Variants in RSRC1 observed in about 807,000 individuals in gnomAD.
RSRC1 encodes arginine and serine rich coiled-coil 1.
A neutral mutation model predicts 49.1 loss-of-function variants in RSRC1; 39 were observed. That is an observed-to-expected ratio of 0.79 (90% CI 0.61 to 1.04). The LOEUF is 1.04. RSRC1 is among the 50% of genes least tolerant of loss of function. RSRC1 has a pLI of 0.00. For missense variants in RSRC1, 388 were observed against 402.4 expected (o/e 0.96, Z 0.31); for synonymous variants, 143 against 130.8 (o/e 1.09, Z -0.63).
intron 6 of RSRC1, among the ~76,000 whole-genome samples, chr3:158,363,325 A>G (rs993614554): frequency 6.7e-6 from 1 of 148,964 alleles, no homozygotes; most frequent in Non-Finnish European, 1.5e-5. Context: ...GTACAGTGGC[A>G]CAAGCTCGGC....
intron 6 of RSRC1, among the ~76,000 whole-genome samples, chr3:158,434,407 T>C (rs1471208988): frequency 2.0e-5 from 3 of 151,988 alleles, no homozygotes; most frequent in East Asian, 3.9e-4. Flanking sequence ...GGAAAGCTAT[T>C]CATCGTGCTG....
chr3:158,160,456 A>C (rs1718151477), intron 3 of RSRC1, among the ~76,000 whole-genome samples: 1 of 152,116 alleles, frequency 6.6e-6, no homozygotes, highest in African/African-American at 2.4e-5. Flanking sequence ...ACATATAGAG[A>C]AATGTGGGAA....
intron 6 of RSRC1, among the ~76,000 whole-genome samples, chr3:158,384,844 T>TG (rs1732882813): frequency 6.6e-6 from 1 of 151,990 alleles, no homozygotes; most frequent in Non-Finnish European, 1.5e-5. Context: ...ACCTATGTGA[T>TG]GTAGTCCATG....
intron 4 of RSRC1, among the ~76,000 whole-genome samples, chr3:158,249,016 A>G (rs1387857218): frequency 1.3e-5 from 2 of 152,230 alleles, no homozygotes; most frequent in East Asian, 3.9e-4. Flanking sequence ...TACTGTGAGT[A>G]TAAGTTCCAT....
At chr3:158,534,652 G>T (rs1359984254) in intron 7 of RSRC1, among the ~76,000 whole-genome samples, 2 of 151,518 alleles carry the variant, frequency 1.3e-5, no homozygotes, top group African/African-American at 4.8e-5. Context: ...ACACATGCAC[G>T]TGGCTATTTA....
intron 6 of RSRC1, among the ~76,000 whole-genome samples, chr3:158,365,994 G>A (rs1250372504): frequency 4.0e-5 from 6 of 151,730 alleles, no homozygotes; most frequent in African/African-American, 1.5e-4. Context: ...TTTTAATGGG[G>A]TTGTTTTTTT....
intron 3 of RSRC1, 83 bp from the exon 4 acceptor site, chr3:158,202,989 T>C: frequency 8.8e-7 from 1 of 1,136,642 alleles, no homozygotes; most frequent in Non-Finnish European, 1.2e-6. Flanking sequence ...TAAGTAGTTT[T>C]TTTCAGATAA....
At chr3:158,132,160 AT>A in intron 3 of RSRC1, 2 of 447,138 alleles carry the variant, frequency 4.5e-6, no homozygotes, top group Non-Finnish European at 9.0e-6. Context: ...TGATTTTTGT[AT>A]TTTTGGCGGA....
chr3:158,151,802 C>T lies in RSRC1; in HGVS notation c.320+27811C>T, dbSNP rs570061592. Reference sequence around the variant, plus strand: ...TTATATGTAGTCAGTAAATACTGTACAGTAAATACTGTACAAGTATTGCTC... The same window carrying T: ...TTATATGTAGTCAGTAAATACTGTATAGTAAATACTGTACAAGTATTGCTC... On this transcript the variant is annotated intron_variant, in intron 3 of 9. Transcript: ENST00000611884. Among the ~76,000 whole-genome samples, 6 of 151,954 alleles carry T rather than the reference C, an allele frequency of 3.9e-5. No individual in the cohort carries two copies. The East Asian group carries it at 9.7e-4, about 25-fold the overall frequency.
At chr3:158,143,644 T>C (rs1273305921) in intron 3 of RSRC1, among the ~76,000 whole-genome samples, 1 of 152,188 alleles carries the variant, frequency 6.6e-6, no homozygotes, top group Non-Finnish European at 1.5e-5. Context: ...AACATAGTAT[T>C]CTCCAAATTT....
chr3:158,484,420 C>A (rs1180693573), intron 7 of RSRC1, among the ~76,000 whole-genome samples: 1 of 152,032 alleles, frequency 6.6e-6, no homozygotes, highest in Non-Finnish European at 1.5e-5. Flanking sequence ...ATTTCACTAT[C>A]ATTTTTAAAT....
chr3:158,116,032 T>A (rs1310727844), intron 1 of RSRC1, among the ~76,000 whole-genome samples: 1 of 152,232 alleles, frequency 6.6e-6, no homozygotes, highest in African/African-American at 2.4e-5. Context: ...AAATATTGGC[T>A]CACTGAGTTA....
chr3:158,112,646 G>A (rs1403453039), intron 1 of RSRC1, among the ~76,000 whole-genome samples: 3 of 152,080 alleles, frequency 2.0e-5, no homozygotes, highest in Non-Finnish European at 4.4e-5. Flanking sequence ...ACTTTTCTTG[G>A]TTTCTCTAAG....
At chr3:158,368,941 A>T (rs945631537) in intron 6 of RSRC1, among the ~76,000 whole-genome samples, 4 of 152,120 alleles carry the variant, frequency 2.6e-5, no homozygotes, top group Non-Finnish European at 4.4e-5. Context: ...CAGATAAGTG[A>T]AAGAAATAAT....
intron 6 of RSRC1, among the ~76,000 whole-genome samples, chr3:158,379,808 G>A (rs372852846): frequency 1.2e-5 from 1 of 84,062 alleles, no homozygotes; most frequent in Non-Finnish European, 2.8e-5. Flanking sequence ...ACAAACACAC[G>A]CGCATGCACA....
intron 6 of RSRC1, among the ~76,000 whole-genome samples, chr3:158,436,399 A>G (rs1736043775): frequency 6.6e-6 from 1 of 151,980 alleles, no homozygotes; most frequent in African/African-American, 2.4e-5. Context: ...CAGCATCTCC[A>G]GAAACTTTAA....
intron 5 of RSRC1, 61 bp from the exon 6 acceptor site, chr3:158,354,796 T>A (rs1050686772): frequency 4.1e-6 from 5 of 1,228,622 alleles, no homozygotes; most frequent in Non-Finnish European, 5.6e-6. Flanking sequence ...TAAAACTCCA[T>A]CAATTAAAAC....
chr3:158,358,149 A>G (rs1400434064), intron 6 of RSRC1, among the ~76,000 whole-genome samples: 1 of 152,208 alleles, frequency 6.6e-6, no homozygotes, highest in Non-Finnish European at 1.5e-5. Flanking sequence ...TATGATTATT[A>G]TATCAAACAT....
At chr3:158,122,675 AT>A (rs1715340445) in intron 2 of RSRC1, among the ~76,000 whole-genome samples, 1 of 152,022 alleles carries the variant, frequency 6.6e-6, no homozygotes, top group Non-Finnish European at 1.5e-5. Context: ...GGTGTGCTGC[AT>A]CTGTTAACTC....
Sources: allele counts gnomAD v4.1 joint callset (sites outside exome capture counted in the v4.1 genomes callset), GRCh38; gene constraint gnomAD v4.1.1; transcripts MANE v1.5; gene names NCBI Gene and HGNC (gene_info 2026-07-23, HGNC 2026-07-21).